ANGEL1: variants seen among roughly 807,000 people sequenced by gnomAD.
ANGEL1 encodes RNA 2',3'-cyclic phosphatase ANGEL1.
ANGEL1 carries 62 observed loss-of-function variants against 76.4 expected under a neutral mutation model. The ratio of observed to expected loss-of-function variants is 0.81; its 90% CI spans 0.66 to 1.00. The LOEUF is 1.00. ANGEL1 is among the 50% of genes least tolerant of loss of function. The probability of loss-of-function intolerance (pLI) is 0.00; values close to 1 mark genes in which losing one functional copy is unlikely to be tolerated. For synonymous variants in ANGEL1, 340 were observed against 331.7 expected (o/e 1.03, Z -0.27); for missense variants, 737 against 836.7 (o/e 0.88, Z 1.47).
rs779885614 is a variant in ANGEL1 at position 76,808,000 on chromosome 14, T to TAGATAG, written c.792_797dup (p.Tyr265_Leu266dup). 1.2e-6 allele frequency: 2 copies of TAGATAG among 1,614,194 alleles called. No individual in the cohort carries two copies. The highest frequency in any genetic ancestry group is 4.5e-5 in the East Asian group (2 of 44,878). On this transcript the variant is annotated inframe_insertion, in exon 3 of 10. Transcript: ENST00000251089. ...AATTGAGGATGTCTGGATGGCAATG[T>TAGATAG]AGATAGAGCTCTGAGCTCTGCTGCA...
intron 7 of ANGEL1, among the ~76,000 whole-genome samples, chr14:76,796,244 T>C (rs1452508174): frequency 6.6e-6 from 1 of 150,968 alleles, no homozygotes; most frequent in Non-Finnish European, 1.5e-5. Flanking sequence ...CATAGTATTT[T>C]TTTTCTTTTT....
At chr14:76,796,985 A>G (rs916789507) in intron 7 of ANGEL1, among the ~76,000 whole-genome samples, 18 of 152,182 alleles carry the variant, frequency 1.2e-4, no homozygotes, top group Non-Finnish European at 2.5e-4. Context: ...TGATTTCCCT[A>G]GACACCATTC....
intron 1 of ANGEL1, among the ~76,000 whole-genome samples, chr14:76,811,713 A>C (rs1895091986): frequency 6.6e-6 from 1 of 152,236 alleles, no homozygotes; most frequent in Non-Finnish European, 1.5e-5. Flanking sequence ...GTATGGACAC[A>C]CAAGACATTC....
At chr14:76,789,844 G>A (rs367781933) in intron 9 of ANGEL1, among the ~76,000 whole-genome samples, 4 of 141,858 alleles carry the variant, frequency 2.8e-5, no homozygotes, top group East Asian at 2.0e-4. Flanking sequence ...ATAGGTACCC[G>A]CCACCATGCC....
intron 4 of ANGEL1, among the ~76,000 whole-genome samples, chr14:76,807,205 G>A (rs1424119663): frequency 2.0e-5 from 3 of 152,214 alleles, no homozygotes; most frequent in Non-Finnish European, 4.4e-5. Flanking sequence ...TCTGTAAAAT[G>A]GGAATAACAG....
At chr14:76,807,226 T>C (rs762596763) in intron 4 of ANGEL1, among the ~76,000 whole-genome samples, 1 of 152,202 alleles carries the variant, frequency 6.6e-6, no homozygotes, top group African/African-American at 2.4e-5. Context: ...TCTCACCACA[T>C]TGGTTACTTC....
In ANGEL1 at chr14:76,807,932, C is replaced by T. The variant is rs1383670221; in HGVS notation, c.866G>A (p.Trp289Ter). 1 of 1,613,780 alleles carries T rather than the reference C, an allele frequency of 6.2e-7. No homozygotes were observed. The highest frequency in any genetic ancestry group is 1.3e-5 in the African/African-American group (1 of 74,930). The change falls in exon 3 of 10, where the codon TGG becomes TAG. Residue 289 changes from tryptophan (W) to a stop codon, truncating the protein, a stop_gained. Coordinates refer to ENST00000251089, the MANE Select transcript of ANGEL1 (RefSeq NM_015305.4). LOFTEE classifies it high-confidence loss of function. ...FVNLMQEFQH[W>*]DPDILCLQEV... ...CCCCTCTTCACTCACATCAGGGTCC[C>T]AGTGCTGGAATTCCTGCATGAGGTT... is the stretch of plus-strand genomic sequence containing the variant.
At position 76,807,417 on chromosome 14, in the gene ANGEL1, C is replaced by A. The variant is rs1894950753; in HGVS notation, c.946+16G>T. ...TGGAAAGAAAAGCTGGCAAGCATCC[C>A]AGGGAGCTGCATTACCCATCATTCG... On this transcript the variant is annotated intron_variant, in intron 4 of 9. Transcript: ENST00000251089. 3 of 1,607,288 alleles carry A rather than the reference C, an allele frequency of 1.9e-6. No homozygotes were observed. Among genetic ancestry groups the A allele is most frequent in the Non-Finnish European group, 2.6e-6 (3 of 1,176,236 alleles).
At chr14:76,807,861 C>T in intron 3 of ANGEL1, 61 bp downstream of exon 3, 1 of 1,548,726 alleles carries the variant, frequency 6.5e-7, no homozygotes, top group Non-Finnish European at 8.9e-7. Flanking sequence ...CTTCTAAGAG[C>T]ACTGGGCAAC....
chr14:76,806,731 G>A lies in ANGEL1; in HGVS notation c.1065C>T (p.Gly355=), dbSNP rs1203471732. The change falls in exon 5 of 10, where the codon GGC becomes GGT. Residue 355 remains glycine (G), a synonymous_variant. Transcript: ENST00000251089. ...CASPVEYFRP[G]LELLNRDNVG... ...CATTATCCCGATTAAGTAGCTCCAAGCCAGGCCGGAAGTACTCCACAGGGC... is the reference window on the plus strand; with the variant it reads ...CATTATCCCGATTAAGTAGCTCCAAACCAGGCCGGAAGTACTCCACAGGGC... 9.9e-6 allele frequency: 16 copies of A among 1,614,102 alleles called. No homozygotes were observed. The highest frequency in any genetic ancestry group is 5.0e-5 in the Admixed American group (3 of 60,014).
chr14:76,791,826 GTATA>G (rs1894415113), intron 7 of ANGEL1, among the ~76,000 whole-genome samples: 1 of 151,834 alleles, frequency 6.6e-6, no homozygotes, highest in Non-Finnish European at 1.5e-5. Context: ...ATGCATACAT[GTATA>G]TATACATACA....
chr14:76,791,523 A>G (rs1303952997), intron 7 of ANGEL1, among the ~76,000 whole-genome samples, 157 bp from the exon 8 acceptor site: 1 of 152,250 alleles, frequency 6.6e-6, no homozygotes, highest in Admixed American at 6.5e-5. Flanking sequence ...GAAGATGACC[A>G]TAAACCAAAG....
chr14:76,803,133 C>T (rs1894813785), intron 7 of ANGEL1, among the ~76,000 whole-genome samples: 1 of 152,252 alleles, frequency 6.6e-6, no homozygotes, highest in Non-Finnish European at 1.5e-5. Flanking sequence ...AAATGGCTTA[C>T]CCAAGCTCTC....
chr14:76,803,531 T>G, intron 6 of ANGEL1, 50 bp from the exon 7 acceptor site: 1 of 1,572,270 alleles, frequency 6.4e-7, no homozygotes, highest in Admixed American at 1.7e-5. Flanking sequence ...TGAAGCCACA[T>G]GCTGAGACCT....
intron 3 of ANGEL1, 77 bp downstream of exon 3, chr14:76,807,845 A>T: frequency 1.3e-6 from 2 of 1,485,096 alleles, no homozygotes; most frequent in Admixed American, 3.5e-5. Context: ...TATGGGTTGA[A>T]CTCATCTTCT....
intron 7 of ANGEL1, 62 bp from the exon 8 acceptor site, chr14:76,791,428 C>T (rs1482322057): frequency 1.3e-6 from 2 of 1,501,412 alleles, no homozygotes; most frequent in Non-Finnish European, 1.8e-6. Context: ...GGATCAGAAC[C>T]TTTCACCCTA....
chr14:76,809,931 C>T (rs1895035376), intron 1 of ANGEL1, among the ~76,000 whole-genome samples: 4 of 152,248 alleles, frequency 2.6e-5, no homozygotes, highest in Non-Finnish European at 5.9e-5. Context: ...ATCTAGAACA[C>T]AGATGGGCAC....
intron 7 of ANGEL1, among the ~76,000 whole-genome samples, chr14:76,799,076 A>G (rs1417340570): frequency 6.6e-6 from 1 of 152,012 alleles, no homozygotes. Context: ...TCAAACCATC[A>G]CTACCTAGCA....
rs770282987 is a variant in ANGEL1, at chr14:76,806,435, T to C, written c.1361A>G (p.His454Arg). ...NFIRDGELQY[H>R]GMPAWKVSGQ... The stretch of plus-strand genomic sequence containing the variant: ...TTTCACCTTCCAGGCTGGCATCCCA[T>C]GGTACTGGAGCTCTCCATCCCTGAT... The change falls in exon 5 of 10, where the codon CAT becomes CGT. Residue 454 changes from histidine (H) to arginine (R), a missense_variant. His to Arg is a conservative substitution (Grantham distance 29, BLOSUM62 0). Transcript: ENST00000251089. 7 of 1,611,414 alleles carry C rather than the reference T, an allele frequency of 4.3e-6. No individual in the cohort carries two copies. The South Asian group carries it at 6.6e-5, about 15-fold the overall frequency.
Sources: allele counts gnomAD v4.1 joint callset (sites outside exome capture counted in the v4.1 genomes callset), GRCh38; gene constraint gnomAD v4.1.1; transcripts MANE v1.5; gene names NCBI Gene and HGNC (gene_info 2026-07-23, HGNC 2026-07-21).